USP26: variants seen among roughly 807,000 people sequenced by gnomAD.
USP26 encodes ubiquitin carboxyl-terminal hydrolase 26.
For synonymous variants in USP26, 236 were observed against 240.6 expected (o/e 0.98, Z 0.18); for missense variants, 649 against 642.3 (o/e 1.01, Z -0.11).
intron 5 of USP26, among the ~76,000 whole-genome samples, chrX:133,030,044 C>T (rs1285410079): frequency 8.9e-6 from 1 of 111,935 alleles, no homozygotes; most frequent in Non-Finnish European, 1.9e-5. Context: ...TCCAAGACTC[C>T]ATTGAAGAGC....
At chrX:133,084,184 CTTAT>C (rs200116035) in intron 4 of USP26, among the ~76,000 whole-genome samples, 37,873 of 109,847 alleles carry the variant, frequency 0.34, 6,182 homozygotes, top group Non-Finnish European at 0.5. Context: ...AGCACAACTT[CTTAT>C]TTATTTATTT....
Position 133,023,850 on chromosome X carries a change from G to C in USP26, c.*1629C>G, listed in dbSNP as rs1186144952. On this transcript the variant is annotated 3_prime_UTR_variant, in exon 6 of 6. Coordinates refer to ENST00000511190, the MANE Select transcript of USP26 (RefSeq NM_031907.3). ...ACCCTAGGCTTAAGAGCATCAACAA[G>C]CTCTTGGATTAATACAACTATACTG... Among the ~76,000 whole-genome samples, 1 of 111,767 alleles carries C rather than the reference G, an allele frequency of 8.9e-6. No homozygotes were observed. The highest frequency in any genetic ancestry group is 3.3e-5 in the African/African-American group (1 of 30,733).
chrX:133,026,154 A>G lies in USP26; in HGVS notation c.2067T>C (p.Phe689=). 8.3e-7 allele frequency: 1 copy of G among 1,210,986 alleles called. No homozygotes were observed. Among genetic ancestry groups the G allele is most frequent in the Non-Finnish European group, 1.1e-6 (1 of 895,382 alleles). Residue 689 remains phenylalanine, a synonymous_variant, in exon 6 of 6, where the codon TTT becomes TTC. Transcript: ENST00000511190. ...GTTTTGGATTTTCGGGCACTGTTTGAAAGTCAACTTTTGAGAGAGGTGTGC... is the reference window on the plus strand; with the variant it reads ...GTTTTGGATTTTCGGGCACTGTTTGGAAGTCAACTTTTGAGAGAGGTGTGC... The part of the protein sequence containing the change: ...SPGTPLSKVD[F]QTVPENPKRK...
At chrX:133,032,198 C>A (rs185182436) in intron 5 of USP26, among the ~76,000 whole-genome samples, 5,003 of 108,828 alleles carry the variant, frequency 0.046, 111 homozygotes, top group Non-Finnish European at 0.069. Flanking sequence ...AACCAACCAA[C>A]CAAACAAACA....
intron 5 of USP26, among the ~76,000 whole-genome samples, chrX:133,042,240 A>T (rs1016004364): frequency 3.1e-4 from 34 of 110,899 alleles, no homozygotes; most frequent in Admixed American, 1.2e-3. Context: ...CTGGGGTTCC[A>T]GGCACTGCTG....
At position 133,083,707 on chromosome X, in the gene USP26, C is replaced by T. The variant is rs2067577955; in HGVS notation, c.-77G>A. On this transcript the variant is annotated splice_region_variant and 5_prime_UTR_variant, in exon 5 of 6. Transcript: ENST00000511190. ...CTCTGTGACTTATATATATCCTTAC[C>T]TCCACAAGGATCCTGAGAGGCAAGC... 1 of 111,430 alleles carries T rather than the reference C, an allele frequency of 9.0e-6. No homozygotes were observed. The highest frequency in any genetic ancestry group is 3.8e-4 in the South Asian group (1 of 2,633). 9.2% of individuals were successfully genotyped at this position (111,430 alleles called of 1,213,427 possible).
intron 4 of USP26, among the ~76,000 whole-genome samples, chrX:133,086,737 C>T (rs1602991474): frequency 1.8e-5 from 2 of 109,644 alleles, no homozygotes; most frequent in Non-Finnish European, 1.9e-5. Context: ...CATGGTGAAA[C>T]GCCATCTCTA....
chrX:133,070,121 A>G (rs2067525978), intron 5 of USP26, among the ~76,000 whole-genome samples: 1 of 111,665 alleles, frequency 9.0e-6, no homozygotes, highest in Admixed American at 9.6e-5. Context: ...AAAAATTTAA[A>G]TAATGGTCAA....
intron 5 of USP26, among the ~76,000 whole-genome samples, chrX:133,061,854 G>T (rs902356631): frequency 9.0e-6 from 1 of 111,628 alleles, no homozygotes; most frequent in African/African-American, 3.3e-5. Flanking sequence ...CAAAAAACCG[G>T]GCGACTGTTA....
intron 5 of USP26, among the ~76,000 whole-genome samples, chrX:133,082,723 A>T (rs1164972696): frequency 8.9e-6 from 1 of 111,788 alleles, no homozygotes; most frequent in Non-Finnish European, 1.9e-5. Flanking sequence ...ACTGCAGGAA[A>T]TGCATGTCAG....
At chrX:133,076,316 G>A (rs1602987245) in intron 5 of USP26, among the ~76,000 whole-genome samples, 1 of 110,999 alleles carries the variant, frequency 9.0e-6, no homozygotes, top group East Asian at 2.9e-4. Context: ...CTCATATAAA[G>A]GCTAACTCTT....
intron 5 of USP26, among the ~76,000 whole-genome samples, chrX:133,029,533 T>C (rs1401432376): frequency 8.9e-6 from 1 of 112,006 alleles, no homozygotes; most frequent in African/African-American, 3.2e-5. Context: ...TTAAGTTCTC[T>C]GGATTATTTC....
At chrX:133,077,277 A>T (rs1569510912) in intron 5 of USP26, among the ~76,000 whole-genome samples, 1 of 112,107 alleles carries the variant, frequency 8.9e-6, no homozygotes, top group Non-Finnish European at 1.9e-5. Flanking sequence ...GAGCTATCTG[A>T]CTTTGGTGTA....
chrX:133,056,392 G>A (rs2067475542), intron 5 of USP26, among the ~76,000 whole-genome samples: 1 of 110,762 alleles, frequency 9.0e-6, no homozygotes, highest in Non-Finnish European at 1.9e-5. Context: ...ATTCCCCACC[G>A]TCAGTCCTTT....
chrX:133,066,835 C>T (rs1473824651), intron 5 of USP26, among the ~76,000 whole-genome samples: 2 of 111,918 alleles, frequency 1.8e-5, no homozygotes, highest in Admixed American at 9.5e-5. Flanking sequence ...ATGAATAAAA[C>T]ACCAAAAGCA....
At position 133,027,828 on chromosome X, in the gene USP26, T is replaced by G; in HGVS notation, c.393A>C (p.Ser131=). 2 of 1,207,617 alleles carry G rather than the reference T, an allele frequency of 1.7e-6. No individual in the cohort carries two copies. Among genetic ancestry groups the G allele is most frequent in the East Asian group, 5.9e-5 (2 of 33,678 alleles). The part of the protein sequence containing the change: ...STTQKEINKT[S]FHKVDEKSSS... ...TTGATTTCTCATCAACTTTGTGGAA[T>G]GAAGTTTTGTTGATTTCCTTCTGTG... Residue 131 remains serine, a synonymous_variant, in exon 6 of 6, where the codon TCA becomes TCC. Coordinates refer to ENST00000511190, the MANE Select transcript of USP26 (RefSeq NM_031907.3).
intron 5 of USP26, among the ~76,000 whole-genome samples, chrX:133,064,457 A>G (rs1215883025): frequency 9.0e-6 from 1 of 111,605 alleles, no homozygotes; most frequent in Admixed American, 9.5e-5. Flanking sequence ...CACTTATTCT[A>G]AAATCGACCA....
intron 5 of USP26, among the ~76,000 whole-genome samples, chrX:133,047,899 T>C (rs1169373314): frequency 8.9e-6 from 1 of 111,882 alleles, no homozygotes; most frequent in East Asian, 2.8e-4. Flanking sequence ...ATTTTCATTG[T>C]TTACAAGCCA....
At chrX:133,057,001 G>C (rs945472594) in intron 5 of USP26, among the ~76,000 whole-genome samples, 2 of 111,445 alleles carry the variant, frequency 1.8e-5, no homozygotes, top group African/African-American at 6.5e-5. Flanking sequence ...GTCAGCCTTT[G>C]CATGCACTCT....
Sources: gnomAD v4.1 joint callset for allele counts (sites outside exome capture counted in the v4.1 genomes callset) on GRCh38, gnomAD v4.1.1 for gene constraint, MANE v1.5 for transcripts, NCBI Gene and HGNC (gene_info 2026-07-23, HGNC 2026-07-21) for gene names.